PIK3C2A: variants seen among roughly 807,000 people sequenced by gnomAD.
PIK3C2A encodes phosphatidylinositol-4-phosphate 3-kinase catalytic subunit type 2 alpha, also known as phosphatidylinositol 4-phosphate 3-kinase C2 domain-containing subunit alpha.
In PIK3C2A, 97 loss-of-function variants were observed where a neutral mutation model predicts 204.5. The ratio of observed to expected loss-of-function variants is 0.47; its 90% confidence interval spans 0.40 to 0.56. The LOEUF is 0.56. Among genes scored for constraint, PIK3C2A ranks in the 20% least tolerant of loss-of-function variants. PIK3C2A has a pLI of 0.00. For missense variants in PIK3C2A, 1,735 were observed against 1,969.2 expected (o/e 0.88, Z 2.25); for synonymous variants, 653 against 664.4 (o/e 0.98, Z 0.26).
intron 2 of PIK3C2A, among the ~76,000 whole-genome samples, chr11:17,165,262 C>G (rs1005667114): frequency 6.6e-6 from 1 of 152,118 alleles, no homozygotes; most frequent in South Asian, 2.1e-4. Context: ...AATGGAGGTC[C>G]AAGGGGGAAA....
Position 17,119,907 on chromosome 11 carries a change from G to C in PIK3C2A, c.2725C>G (p.Leu909Val), listed in dbSNP as rs1849318684. The change falls in exon 16 of 33, where the codon CTT becomes GTT. Residue 909 changes from leucine to valine, a missense_variant. Around this residue, in one of 6 missense-constraint regions of PIK3C2A, gnomAD observed 567 missense variants for 576.0 expected, o/e 0.98. Transcript: ENST00000691414. Reference sequence around the variant, plus strand: ...GGGGCGCTTGCTAATATTTTAGGAAGACAATTTGGGTGTTTGAAGCAATAA... The same window carrying C: ...GGGGCGCTTGCTAATATTTTAGGAACACAATTTGGGTGTTTGAAGCAATAA... ...RYYCFKHPNCLPKILASAPNW... is the reference protein window; with the variant it reads ...RYYCFKHPNCVPKILASAPNW... 1.2e-6 allele frequency: 2 copies of C among 1,610,576 alleles called. No individual in the cohort carries two copies. The highest frequency in any genetic ancestry group is 1.7e-6 in the Non-Finnish European group (2 of 1,178,042).
chr11:17,143,757 T>C (rs747983517), intron 8 of PIK3C2A, among the ~76,000 whole-genome samples: 1 of 151,776 alleles, frequency 6.6e-6, no homozygotes, highest in African/African-American at 2.4e-5. Flanking sequence ...ACCAACATGG[T>C]GAAACCCTGT....
chr11:17,199,648 G>A (rs1032345473), intron 1 of PIK3C2A, among the ~76,000 whole-genome samples: 1 of 152,138 alleles, frequency 6.6e-6, no homozygotes, highest in Admixed American at 6.6e-5. Flanking sequence ...AATTCACAGA[G>A]ACAAAAAGTA....
intron 28 of PIK3C2A, 88 bp downstream of exon 28, chr11:17,094,173 A>T: frequency 1.1e-6 from 1 of 917,672 alleles, no homozygotes; most frequent in South Asian, 1.8e-5. Flanking sequence ...ATAATATCTT[A>T]CTAAGTGTTA....
At chr11:17,170,900 G>A (rs1404506797) in intron 1 of PIK3C2A, among the ~76,000 whole-genome samples, 1 of 152,010 alleles carries the variant, frequency 6.6e-6, no homozygotes, top group African/African-American at 2.4e-5. Flanking sequence ...TCAGGAGATC[G>A]AGACCATCCT....
At chr11:17,195,766 G>A (rs185469480) in intron 1 of PIK3C2A, among the ~76,000 whole-genome samples, 179 of 146,864 alleles carry the variant, frequency 1.2e-3, no homozygotes, top group African/African-American at 4.2e-3. Context: ...GGAGCCCCGC[G>A]CGCTGGCTCA....
At chr11:17,191,647 AG>A (rs1442169402) in intron 1 of PIK3C2A, among the ~76,000 whole-genome samples, 1 of 152,182 alleles carries the variant, frequency 6.6e-6, no homozygotes, top group African/African-American at 2.4e-5. Context: ...AGCTCTTAGC[AG>A]TGAGTTCTCC....
At chr11:17,096,042 CTTT>C (rs369643057) in intron 27 of PIK3C2A, among the ~76,000 whole-genome samples, 4 of 145,120 alleles carry the variant, frequency 2.8e-5, no homozygotes, top group Non-Finnish European at 6.1e-5. Context: ...GCTAGTTAAA[CTTT>C]TTTTTTTTTT....
intron 1 of PIK3C2A, among the ~76,000 whole-genome samples, chr11:17,181,917 C>T (rs1381869352): frequency 2.0e-5 from 3 of 151,364 alleles, no homozygotes; most frequent in African/African-American, 7.3e-5. Flanking sequence ...CATGGAGAAA[C>T]CCCATCTCTA....
chr11:17,122,184 A>G lies in PIK3C2A; in HGVS notation c.2657+4T>C, dbSNP rs759110725. On this transcript the variant is annotated splice_donor_region_variant and intron_variant, in intron 15 of 32. Coordinates refer to ENST00000691414, the MANE Select transcript of PIK3C2A (RefSeq NM_002645.4). The stretch of plus-strand genomic sequence containing the variant: ...TAGCCCAAAACAGAATAAACAGAAC[A>G]TACCCAAGTGATGAGTCTTTATGAA... The G allele has an allele frequency of 1.3e-6, 2 of 1,575,772 alleles. No homozygotes were observed. The highest frequency in any genetic ancestry group is 1.7e-5 in the Admixed American group (1 of 59,660).
intron 2 of PIK3C2A, among the ~76,000 whole-genome samples, chr11:17,163,345 G>C: frequency 6.6e-6 from 1 of 152,104 alleles, no homozygotes; most frequent in East Asian, 1.9e-4. Context: ...AATAGGACTT[G>C]TTTAATTTTA....
At chr11:17,114,337 A>G (rs1849105833) in intron 20 of PIK3C2A, 24 bp downstream of exon 20, 1 of 1,129,276 alleles carries the variant, frequency 8.9e-7, no homozygotes, top group Non-Finnish European at 1.4e-6. Flanking sequence ...TGTAATATGA[A>G]CTTATAAGTA....
chr11:17,137,772 C>G (rs1849922802), intron 8 of PIK3C2A, among the ~76,000 whole-genome samples: 1 of 152,126 alleles, frequency 6.6e-6, no homozygotes. Flanking sequence ...CACCCTTCCT[C>G]TGCTTTCCTT....
At chr11:17,161,451 A>G (rs1850772760) in intron 2 of PIK3C2A, among the ~76,000 whole-genome samples, 1 of 152,228 alleles carries the variant, frequency 6.6e-6, no homozygotes, top group African/African-American at 2.4e-5. Flanking sequence ...GTTTACAACC[A>G]AAGAACTTTG....
chr11:17,196,694 C>G (rs772191863), intron 1 of PIK3C2A, among the ~76,000 whole-genome samples: 4 of 151,964 alleles, frequency 2.6e-5, no homozygotes, highest in African/African-American at 7.3e-5. Flanking sequence ...CTCAGCCTCC[C>G]GAGTAGCTGG....
chr11:17,152,233 A>G (rs918738580), intron 3 of PIK3C2A, among the ~76,000 whole-genome samples: 3 of 152,188 alleles, frequency 2.0e-5, no homozygotes, highest in African/African-American at 4.8e-5. Context: ...TTTTATCACA[A>G]TTTAAGAAAT....
intron 17 of PIK3C2A, 66 bp downstream of exon 17, chr11:17,119,154 C>A: frequency 1.1e-6 from 1 of 906,306 alleles, no homozygotes; most frequent in South Asian, 1.5e-5. Flanking sequence ...ATGGGGATCC[C>A]TTAGCAAGTT....
In PIK3C2A at chr11:17,123,319, C is replaced by T. The variant is rs1034040743; in HGVS notation, c.2400-506G>A. ...CTGGAGTGTAGTAGCACAACTATGG[C>T]TAAGTGCAGCCTTGACCTCCCTGGG... On this transcript the variant is annotated intron_variant, in intron 13 of 32. Transcript: ENST00000691414. Among the ~76,000 whole-genome samples, 4 of 152,008 alleles carry T rather than the reference C, an allele frequency of 2.6e-5. No homozygotes were observed. The South Asian group carries it at 8.3e-4, about 32-fold the overall frequency.
intron 1 of PIK3C2A, among the ~76,000 whole-genome samples, chr11:17,203,314 G>A (rs1380507502): frequency 2.7e-5 from 4 of 149,512 alleles, no homozygotes; most frequent in Non-Finnish European, 5.9e-5. Context: ...TCAACATAGT[G>A]AGACACCATC....
Sources: gnomAD v4.1 joint callset for allele counts (sites outside exome capture counted in the v4.1 genomes callset) on GRCh38, gnomAD v4.1.1 for gene constraint, gnomAD v4.1.1 regional missense constraint, MANE v1.5 for transcripts, NCBI Gene and HGNC (gene_info 2026-07-23, HGNC 2026-07-21) for gene names.